The following SOX5 variants were observed in gnomAD, a reference collection of about 807,000 sequenced individuals.
The protein encoded by SOX5 is SRY-box transcription factor 5.
In SOX5, 9 loss-of-function variants were observed where a neutral mutation model predicts 92.0. The observed-to-expected ratio is 0.10, with a 90% CI of 0.06 to 0.17. The LOEUF is 0.17. Among genes scored for constraint, SOX5 ranks in the 10% least tolerant of loss-of-function variants. The pLI, the probability that SOX5 is intolerant of heterozygous loss-of-function variation, is 1.00. For missense variants in SOX5, 642 were observed against 944.5 expected (o/e 0.68, Z 4.20); for synonymous variants, 344 against 336.3 (o/e 1.02, Z -0.25).
chr12:24,468,719 T>C (rs977533097), intron 1 of SOX5, among the ~76,000 whole-genome samples: 9 of 152,250 alleles, frequency 5.9e-5, no homozygotes, highest in Admixed American at 5.2e-4. Context: ...ATTTGTAGCA[T>C]TAAATGTTTT....
intron 1 of SOX5, among the ~76,000 whole-genome samples, chr12:24,535,826 G>A (rs921233949): frequency 6.6e-6 from 1 of 152,100 alleles, no homozygotes. Context: ...TTCTGCCTCT[G>A]AAAACCATTC....
At chr12:24,114,241 A>C (rs1284870183) in intron 4 of SOX5, among the ~76,000 whole-genome samples, 1 of 152,168 alleles carries the variant, frequency 6.6e-6, no homozygotes, top group African/African-American at 2.4e-5. Flanking sequence ...AGCAGAATGC[A>C]GGGAAGAAAA....
At chr12:24,182,523 G>A (rs1265472431) in intron 4 of SOX5, among the ~76,000 whole-genome samples, 4 of 151,520 alleles carry the variant, frequency 2.6e-5, no homozygotes, top group African/African-American at 9.7e-5. Flanking sequence ...TTAGGATTTT[G>A]TTGTTGTTGA....
chr12:23,733,295 A>T (rs1017787740), intron 6 of SOX5, among the ~76,000 whole-genome samples: 2 of 152,212 alleles, frequency 1.3e-5, no homozygotes, highest in Non-Finnish European at 2.9e-5. Flanking sequence ...GTGCCATAAC[A>T]ATATTAATAC....
intron 7 of SOX5, among the ~76,000 whole-genome samples, chr12:23,651,851 A>G (rs1026737717): frequency 6.6e-6 from 1 of 152,000 alleles, no homozygotes; most frequent in African/African-American, 2.4e-5. Flanking sequence ...GCAAAATTCA[A>G]GATCTAGCCT....
intron 6 of SOX5, among the ~76,000 whole-genome samples, chr12:23,730,115 T>A (rs2093334638): frequency 6.6e-6 from 1 of 151,894 alleles, no homozygotes; most frequent in Non-Finnish European, 1.5e-5. Context: ...ATAAAGCAAC[T>A]AACTATCAAT....
chr12:24,075,963 C>A (rs1345009010), intron 4 of SOX5, among the ~76,000 whole-genome samples: 4 of 152,132 alleles, frequency 2.6e-5, no homozygotes, highest in Non-Finnish European at 4.4e-5. Flanking sequence ...AGATACTCAA[C>A]ACTTAGATAT....
Position 24,223,783 on chromosome 12 carries a change from CAACA to C in SOX5, c.-76-10370_-76-10367del, listed in dbSNP as rs534969003. 6.7e-3 allele frequency among the ~76,000 whole-genome samples: 1,016 copies of C among 151,952 alleles called. 7 individuals carry two copies. Among genetic ancestry groups the C allele is most frequent in the African/African-American group, 0.013 (529 of 41,442 alleles). On this transcript the variant is annotated intron_variant, in intron 3 of 4. Coordinates refer to the SOX5 transcript ENST00000446891. ...CAAAAACAAAAACAAAAACAAAAAA[CAACA>C]AACAAACAAACAAACAAAAAAACAT...
At chr12:23,922,162 C>A (rs1019912550) in intron 1 of SOX5, among the ~76,000 whole-genome samples, 4 of 152,152 alleles carry the variant, frequency 2.6e-5, no homozygotes, top group Non-Finnish European at 4.4e-5. Flanking sequence ...TCTTTGTTTT[C>A]ACTCCTTTCT....
chr12:23,769,125 C>A (rs919200529), intron 3 of SOX5, among the ~76,000 whole-genome samples: 22 of 152,164 alleles, frequency 1.4e-4, no homozygotes, highest in African/African-American at 5.3e-4. Context: ...GCAAACTATT[C>A]AGCTTATAGA....
At chr12:24,268,899 G>A (rs1943349833) in intron 3 of SOX5, among the ~76,000 whole-genome samples, 1 of 152,040 alleles carries the variant, frequency 6.6e-6, no homozygotes, top group Admixed American at 6.6e-5. Context: ...TTTTGTTTTG[G>A]TGTGTGCATA....
chr12:24,185,004 G>A (rs1342432248), intron 4 of SOX5, among the ~76,000 whole-genome samples: 5 of 152,076 alleles, frequency 3.3e-5, no homozygotes, highest in Non-Finnish European at 7.4e-5. Flanking sequence ...TTGCAGAGTA[G>A]TGTGTTAGAT....
chr12:24,319,415 T>C (rs966478640), intron 2 of SOX5, among the ~76,000 whole-genome samples: 5 of 152,192 alleles, frequency 3.3e-5, no homozygotes, highest in Non-Finnish European at 5.9e-5. Context: ...GTCACCTATT[T>C]TTCGAAGCCA....
chr12:23,872,026 C>A (rs570510126), intron 2 of SOX5, among the ~76,000 whole-genome samples: 1 of 149,004 alleles, frequency 6.7e-6, no homozygotes, highest in South Asian at 2.1e-4. Context: ...GAGACGGAGT[C>A]TTGCTCTGTC....
chr12:24,138,645 C>T (rs1388999915), intron 4 of SOX5, among the ~76,000 whole-genome samples: 6 of 152,274 alleles, frequency 3.9e-5, no homozygotes, highest in South Asian at 2.1e-4. Flanking sequence ...AGAAAATACA[C>T]GTTTTTCATT....
intron 4 of SOX5, among the ~76,000 whole-genome samples, chr12:24,007,132 CAA>C (rs377717275): frequency 0.032 from 796 of 24,528 alleles, 68 homozygotes; most frequent in East Asian, 0.085. Flanking sequence ...GACTCCATCT[CAA>C]AAAAAAATAT....
intron 4 of SOX5, among the ~76,000 whole-genome samples, chr12:24,070,047 T>C (rs981874072): frequency 6.6e-6 from 1 of 152,116 alleles, no homozygotes; most frequent in African/African-American, 2.4e-5. Flanking sequence ...TGAGCAAACA[T>C]ACTGATCCCT....
chr12:24,517,070 T>C (rs1949854166), intron 1 of SOX5, among the ~76,000 whole-genome samples: 1 of 152,190 alleles, frequency 6.6e-6, no homozygotes, highest in Admixed American at 6.5e-5. Context: ...AAAACAGGCA[T>C]GTTATAACTG....
intron 3 of SOX5, among the ~76,000 whole-genome samples, chr12:23,815,475 A>T (rs576729396): frequency 8.2e-4 from 125 of 152,326 alleles, no homozygotes; most frequent in African/African-American, 3.0e-3. Flanking sequence ...ATAAGAGTTC[A>T]TTATTCTTTT....
Sources: gnomAD v4.1 joint callset for allele counts (sites outside exome capture counted in the v4.1 genomes callset) on GRCh38, gnomAD v4.1.1 for gene constraint, MANE v1.5 for transcripts, NCBI Gene and HGNC (gene_info 2026-07-23, HGNC 2026-07-21) for gene names.